Variants in DISP3 observed in about 807,000 individuals in gnomAD.
DISP3 encodes the protein dispatched RND transporter family member 3.
A neutral mutation model predicts 135.3 loss-of-function variants in DISP3; 101 were observed. The observed-to-expected ratio is 0.75, with a 90% CI of 0.64 to 0.88. The LOEUF (loss-of-function observed/expected upper bound fraction) is 0.88. Among genes scored for constraint, DISP3 ranks in the 40% least tolerant of loss-of-function variants. The pLI, the probability that DISP3 is intolerant of heterozygous loss-of-function variation, is 0.00. For missense variants in DISP3, 1,713 were observed against 1,878.6 expected, an observed-to-expected ratio of 0.91 and a Z score of 1.63; for synonymous variants, 856 against 817.0, an observed-to-expected ratio of 1.05 and a Z score of -0.81.
chr1:11,524,276 C>T (rs1286655241), intron 11 of DISP3, among the ~76,000 whole-genome samples: 3 of 151,992 alleles, frequency 2.0e-5, no homozygotes, highest in Non-Finnish European at 4.4e-5. Context: ...TGTGGTGCCC[C>T]CAGAGCCTCC....
rs566314726 is a variant in DISP3, at chr1:11,536,244, T to TG, written c.3817-75dup. ...AACAGAGCAGGAACCTGGCGTGGGG[T>TG]GGGGGTGCGTGATTCCCCAGGTGCT... On this transcript the variant is annotated intron_variant, in intron 20 of 20. Coordinates refer to ENST00000294484, the MANE Select transcript of DISP3 (RefSeq NM_020780.2). This position sits in a 1 kb window ranked among gnomAD's most constrained non-coding sequence, Gnocchi z 4.3. 5.2e-4 allele frequency: 783 copies of TG among 1,508,620 alleles called. 2 individuals are homozygous for TG. The highest frequency in any genetic ancestry group is 4.9e-4 in the Non-Finnish European group (553 of 1,134,146). The allele number at this position is 1,508,620 out of a possible 1,614,324, so 93.5% of individuals were successfully genotyped here. A position where few individuals can be genotyped will look rare whatever the true frequency, so the allele number is the denominator to read the frequency against.
chr1:11,530,710 G>A (rs1642553765), intron 15 of DISP3, among the ~76,000 whole-genome samples, 197 bp from the exon 16 acceptor site: 1 of 152,058 alleles, frequency 6.6e-6, no homozygotes, highest in Non-Finnish European at 1.5e-5. Context: ...GGGCAGTGAT[G>A]GGAGCAGATG....
At chr1:11,489,270 CTCT>C (rs1219013559) in intron 1 of DISP3, among the ~76,000 whole-genome samples, 10 of 152,258 alleles carry the variant, frequency 6.6e-5, no homozygotes, top group African/African-American at 2.4e-5. Flanking sequence ...CCTCCAGCTT[CTCT>C]TTGGGCGCTA....
Position 11,520,877 on chromosome 1 carries a change from C to T in DISP3, c.2362+29C>T, listed in dbSNP as rs767387273. 1.3e-6 allele frequency: 2 copies of T among 1,562,448 alleles called. No individual in the cohort carries two copies. The highest frequency in any genetic ancestry group is 1.7e-6 in the Non-Finnish European group (2 of 1,152,370). On this transcript the variant is annotated intron_variant, in intron 10 of 20. Coordinates refer to ENST00000294484, the MANE Select transcript of DISP3 (RefSeq NM_020780.2). This position sits in a 1 kb window ranked among gnomAD's most constrained non-coding sequence, Gnocchi z 4.8. ...AGGCTTCTAGCCAGGCTGTCCCTGG[C>T]CCGCTCAGGTGTCCGGGTCCCAAAG...
Position 11,537,287 on chromosome 1 carries a change from G to A in DISP3, c.*601G>A, listed in dbSNP as rs1045902604. 5.2e-5 allele frequency: 8 copies of A among 152,558 alleles called. No individual in the cohort carries two copies. Among genetic ancestry groups the A allele is most frequent in the African/African-American group, 1.9e-4 (8 of 41,416 alleles). 9.5% of individuals were successfully genotyped at this position (152,558 alleles called of 1,614,324 possible). A position where few individuals can be genotyped will look rare whatever the true frequency, so the allele number is the denominator to read the frequency against. ...TGAATGGCCCTGTGGCCCTCCCTGG[G>A]CCTTTTGGTCTTGGCCAGAGAAGAC... On this transcript the variant is annotated 3_prime_UTR_variant, in exon 21 of 21. Transcript: ENST00000294484.
Position 11,529,750 on chromosome 1 carries a change from C to T in DISP3, c.2930-37C>T. On this transcript the variant is annotated intron_variant, in intron 14 of 20. Transcript: ENST00000294484. This position sits in a 1 kb window ranked among gnomAD's most constrained non-coding sequence, Gnocchi z 4.7. Reference sequence around the variant, plus strand: ...AGACCTCGGGGCTCAGGAGCTGGACCCTGCCTTCCCTTACAGCTGTGACTC... The same window carrying T: ...AGACCTCGGGGCTCAGGAGCTGGACTCTGCCTTCCCTTACAGCTGTGACTC... 1.2e-6 allele frequency: 2 copies of T among 1,603,404 alleles called. No individual in the cohort carries two copies. Among genetic ancestry groups the T allele is most frequent in the Non-Finnish European group, 1.7e-6 (2 of 1,172,246 alleles).
Position 11,519,006 on chromosome 1 carries a change from GT to G in DISP3, c.1890-348del, listed in dbSNP as rs537212823. 4.6e-5 allele frequency among the ~76,000 whole-genome samples: 7 copies of G among 152,264 alleles called. No homozygotes were observed. The highest frequency in any genetic ancestry group is 1.7e-4 in the African/African-American group (7 of 41,536). Reference sequence around the variant, plus strand: ...TGTTCCCTCCTCCTGGCTCCCCTGAGTATTAAGTTGGAGGCAGAGCCCCTGG... The same window carrying G: ...TGTTCCCTCCTCCTGGCTCCCCTGAGATTAAGTTGGAGGCAGAGCCCCTGG... On this transcript the variant is annotated intron_variant, in intron 7 of 20. Coordinates refer to ENST00000294484, the MANE Select transcript of DISP3 (RefSeq NM_020780.2). The surrounding 1 kb of genome is among the most constrained non-coding windows in gnomAD (Gnocchi z 4.3).
At chr1:11,533,253 CT>C (rs70983563) in intron 17 of DISP3, among the ~76,000 whole-genome samples, 2,061 of 103,986 alleles carry the variant, frequency 0.02, 31 homozygotes, top group African/African-American at 0.051. Flanking sequence ...GTGACTGTTT[CT>C]TTTTTTTTTT....
intron 1 of DISP3, among the ~76,000 whole-genome samples, chr1:11,492,511 G>A (rs1015960097): frequency 2.0e-5 from 3 of 152,288 alleles, no homozygotes; most frequent in Admixed American, 6.5e-5. Flanking sequence ...CTGAGAAATG[G>A]GGGGCTTGGA....
chr1:11,515,416 G>C lies in DISP3; in HGVS notation c.1501G>C (p.Val501Leu). 3 of 1,614,182 alleles carry C rather than the reference G, an allele frequency of 1.9e-6. No individual in the cohort carries two copies. Among genetic ancestry groups the C allele is most frequent in the Non-Finnish European group, 2.5e-6 (3 of 1,180,002 alleles). The change falls in exon 5 of 21, where the codon GTG becomes CTG. Residue 501 changes from valine (V) to leucine (L), a missense_variant. Around this residue, in one of 2 missense-constraint regions of DISP3, gnomAD observed 1,142 missense variants for 1,384.6 expected, o/e 0.82. Transcript: ENST00000294484. ...TGCCAGCATTGGTCTCAGCTGCCTG[G>C]TGGCCCTCTTCCTGTACCACGTGGT... The part of the protein sequence containing the change: ...GIASIGLSCL[V>L]ALFLYHVVFG...
In DISP3 at chr1:11,501,542, G is replaced by T; in HGVS notation, c.550G>T (p.Gly184Cys). 1 of 1,592,482 alleles carries T rather than the reference G, an allele frequency of 6.3e-7. No individual in the cohort carries two copies. The highest frequency in any genetic ancestry group is 8.6e-7 in the Non-Finnish European group (1 of 1,168,396). The change falls in exon 2 of 21, where the codon GGC (glycine) becomes TGC (cysteine). Residue 184 changes from glycine (G) to cysteine (C), a missense_variant. By Grantham distance (159) the Gly-to-Cys change is radical. Transcript: ENST00000294484. This position sits in a 1 kb window ranked among gnomAD's most constrained non-coding sequence, Gnocchi z 4.9. ...VIPAASLGGP[G>C]PYRDTSAAQK... ...CCCCGCGGCCTCACTCGGTGGCCCA[G>T]GCCCTTACCGGGACACTTCCGCGGC...
chr1:11,524,526 G>A (rs1642350664), intron 11 of DISP3, among the ~76,000 whole-genome samples: 1 of 151,902 alleles, frequency 6.6e-6, no homozygotes, highest in African/African-American at 2.4e-5. Flanking sequence ...CACATTTTCA[G>A]CAGGATGCCC....
At chr1:11,506,967 A>C (rs912942711) in intron 3 of DISP3, among the ~76,000 whole-genome samples, 2 of 152,004 alleles carry the variant, frequency 1.3e-5, no homozygotes, top group Admixed American at 1.3e-4. Flanking sequence ...ATGCCCAGCT[A>C]GTTTTTTGTT....
In DISP3 at chr1:11,501,352, C is replaced by G. The variant is rs781264338; in HGVS notation, c.360C>G (p.Asp120Glu). 6.2e-7 allele frequency: 1 copy of G among 1,613,028 alleles called. No homozygotes were observed. The highest frequency in any genetic ancestry group is 8.5e-7 in the Non-Finnish European group (1 of 1,179,664). The change falls in exon 2 of 21, where the codon GAC (aspartate) becomes GAG (glutamate). Residue 120 changes from aspartate to glutamate, a missense_variant. Coordinates refer to ENST00000294484, the MANE Select transcript of DISP3 (RefSeq NM_020780.2). The surrounding 1 kb of genome is among the most constrained non-coding windows in gnomAD (Gnocchi z 4.9). ...IRNHEASQRFDALTLALKSQF... is the reference protein window; with the variant it reads ...IRNHEASQRFEALTLALKSQF... ...ACCACGAGGCCTCACAGCGTTTCGA[C>G]GCTCTCACTCTGGCGCTTAAGTCCC... is the stretch of plus-strand genomic sequence containing the variant.
At chr1:11,494,143 C>G (rs1056908670) in intron 1 of DISP3, among the ~76,000 whole-genome samples, 3 of 152,202 alleles carry the variant, frequency 2.0e-5, no homozygotes, top group Admixed American at 6.5e-5. Flanking sequence ...GTGTGACCAC[C>G]AGGGAGTCAC....
In DISP3 at chr1:11,519,392, T is replaced by C; in HGVS notation, c.1927T>C (p.Phe643Leu). ...QNCSRKTSLH[F>L]PGDVFAAPEQ... ...TTGCAGCCGGAAGACCTCCCTGCAC[T>C]TCCCCGGAGACGTGTTTGCCGCTCC... The change falls in exon 8 of 21, where the codon TTC becomes CTC. Residue 643 changes from phenylalanine to leucine, a missense_variant. Phe to Leu is a conservative substitution (Grantham distance 22, BLOSUM62 0). Around this residue, in one of 2 missense-constraint regions of DISP3, gnomAD observed 1,142 missense variants for 1,384.6 expected, o/e 0.82. Coordinates refer to ENST00000294484, the MANE Select transcript of DISP3 (RefSeq NM_020780.2). This position sits in a 1 kb window ranked among gnomAD's most constrained non-coding sequence, Gnocchi z 4.3. The C allele has an allele frequency of 6.2e-7, 1 of 1,613,714 alleles. No individual in the cohort carries two copies. The highest frequency in any genetic ancestry group is 8.5e-7 in the Non-Finnish European group (1 of 1,179,902).
chr1:11,514,934 T>C (rs1402897004), intron 4 of DISP3, among the ~76,000 whole-genome samples: 1 of 152,178 alleles, frequency 6.6e-6, no homozygotes, highest in African/African-American at 2.4e-5. Flanking sequence ...TAGCTGCTGC[T>C]TACTCCTGTC....
At chr1:11,522,922 A>AGAGCCCAGCC (rs1642283533) in intron 10 of DISP3, among the ~76,000 whole-genome samples, 6 of 22,634 alleles carry the variant, frequency 2.7e-4, no homozygotes, top group African/African-American at 3.8e-4. Flanking sequence ...AGGACCCAGC[A>AGAGCCCAGCC]AGGACCCAGC....
In DISP3 at chr1:11,529,599, C is replaced by G. The variant is rs561908282; in HGVS notation, c.2842C>G (p.Arg948Gly). The G allele has an allele frequency of 1.2e-6, 2 of 1,606,624 alleles. No homozygotes were observed. The highest frequency in any genetic ancestry group is 8.5e-7 in the Non-Finnish European group (1 of 1,174,376). ...GTCCCACAAGCCCCCCTTCCACGGG[C>G]GCGTATGCATGGCACCCCCTGGCTG... ...AQSHKPPFHG[R>G]VCMAPPGCLL... The change falls in exon 14 of 21, where the codon CGC becomes GGC. Residue 948 changes from arginine (R) to glycine (G), a missense_variant. By Grantham distance (125) the Arg-to-Gly change is moderately radical. Around this residue, in one of 2 missense-constraint regions of DISP3, gnomAD observed 1,142 missense variants for 1,384.6 expected, o/e 0.82. Transcript: ENST00000294484. The surrounding 1 kb of genome is among the most constrained non-coding windows in gnomAD (Gnocchi z 4.7).
Sources: gnomAD v4.1 joint callset for allele counts (sites outside exome capture counted in the v4.1 genomes callset) on GRCh38, gnomAD v4.1.1 for gene constraint, gnomAD v4.1.1 regional missense constraint, Gnocchi (gnomAD v3.1) non-coding constraint, MANE v1.5 for transcripts, NCBI Gene and HGNC (gene_info 2026-07-23, HGNC 2026-07-21) for gene names.